The following UBTD2 variants were observed in gnomAD, a reference collection of about 807,000 sequenced individuals.
The protein encoded by UBTD2 is ubiquitin domain-containing protein 2.
UBTD2 carries 9 observed loss-of-function variants against 19.8 expected under a neutral mutation model. The ratio of observed to expected loss-of-function variants is 0.46; its 90% CI spans 0.27 to 0.79. The LOEUF is 0.79. UBTD2 is among the 30% of genes least tolerant of loss of function. The pLI is 0.14. For missense variants in UBTD2, 250 were observed against 300.4 expected, an observed-to-expected ratio of 0.83 and a Z score of 1.24; for synonymous variants, 98 against 103.9, an observed-to-expected ratio of 0.94 and a Z score of 0.35.
In UBTD2 at chr5:172,234,320, G is replaced by T. The variant is rs752568790; in HGVS notation, c.109C>A (p.Pro37Thr). The T allele has an allele frequency of 1.9e-6, 3 of 1,613,954 alleles. No individual in the cohort carries two copies. The African/African-American group carries it at 4.0e-5, about 22-fold the overall frequency. ...GRNQPLKKEK[P>T]KWKSDYPMTD... ...ATAGGATAATCGCTTTTCCATTTTGGTTTCTCCTTTTTCAAAGGCTGGTTA... is the reference window on the plus strand; with the variant it reads ...ATAGGATAATCGCTTTTCCATTTTGTTTTCTCCTTTTTCAAAGGCTGGTTA... Residue 37 changes from proline (P) to threonine (T), a missense_variant, in exon 2 of 3, where the codon CCA becomes ACA. Transcript: ENST00000393792.
chr5:172,251,155 T>C (rs1472870898), intron 1 of UBTD2, among the ~76,000 whole-genome samples: 1 of 143,360 alleles, frequency 7.0e-6, no homozygotes, highest in South Asian at 2.2e-4. Flanking sequence ...CTACTAAAAA[T>C]ACAAAAAAAA....
At chr5:172,281,577 G>A (rs1306415527) in intron 1 of UBTD2, among the ~76,000 whole-genome samples, 1 of 152,088 alleles carries the variant, frequency 6.6e-6, no homozygotes, top group Non-Finnish European at 1.5e-5. Flanking sequence ...AGGGATCTGT[G>A]CCAACACCCT....
Position 172,251,235 on chromosome 5 carries a change from C to T in UBTD2, c.71-16877G>A, listed in dbSNP as rs552055505. Among the ~76,000 whole-genome samples, 20 of 148,670 alleles carry T rather than the reference C, an allele frequency of 1.3e-4. 1 individual carries two copies. The South Asian group carries it at 4.2e-3, about 31-fold the overall frequency. ...TCGGGAGGCTGAGGCAGGAGAATGGCCTGAACCCAGGAGGCCAGGCTTGCA... is the reference window on the plus strand; with the variant it reads ...TCGGGAGGCTGAGGCAGGAGAATGGTCTGAACCCAGGAGGCCAGGCTTGCA... On this transcript the variant is annotated intron_variant, in intron 1 of 2. Coordinates refer to ENST00000393792, the MANE Select transcript of UBTD2 (RefSeq NM_152277.3).
chr5:172,219,764 G>C (rs2113876734), intron 2 of UBTD2, among the ~76,000 whole-genome samples: 1 of 152,318 alleles, frequency 6.6e-6, no homozygotes, highest in South Asian at 2.1e-4. Context: ...TTTTGCCGTG[G>C]CACTTCAAAC....
rs1241778652 is a variant in UBTD2 at position 172,226,124 on chromosome 5, T to C, written c.307+7998A>G. 4.7e-4 allele frequency among the ~76,000 whole-genome samples: 72 copies of C among 152,056 alleles called. 1 individual carries two copies. The highest frequency in any genetic ancestry group is 2.9e-5 in the Non-Finnish European group (2 of 68,008). ...TGGCAAATTTTTGTATTATGAACTC[T>C]TCTACTTCTTGACAACCATGCCCTG... is the stretch of plus-strand genomic sequence containing the variant. On this transcript the variant is annotated intron_variant, in intron 2 of 2. Coordinates refer to ENST00000393792, the MANE Select transcript of UBTD2 (RefSeq NM_152277.3).
chr5:172,255,217 G>A, intron 1 of UBTD2: 1 of 445,346 alleles, frequency 2.2e-6, no homozygotes, highest in Non-Finnish European at 4.5e-6. Flanking sequence ...CCCAGCAGAA[G>A]GAGGTGAACT....
chr5:172,228,858 C>T (rs530543842), intron 2 of UBTD2, among the ~76,000 whole-genome samples: 1 of 152,032 alleles, frequency 6.6e-6, no homozygotes, highest in Non-Finnish European at 1.5e-5. Flanking sequence ...TTTGTAAGTG[C>T]CTTTGTTTTT....
chr5:172,254,912 TTCCTCC>T, intron 1 of UBTD2: 3 of 494,868 alleles, frequency 6.1e-6, no homozygotes, highest in Middle Eastern at 3.1e-4. Context: ...GGAAGACCTC[TTCCTCC>T]TCCTCCTCCT....
intron 1 of UBTD2, among the ~76,000 whole-genome samples, chr5:172,265,500 T>C (rs1232102124): frequency 6.6e-6 from 1 of 151,928 alleles, no homozygotes; most frequent in Non-Finnish European, 1.5e-5. Context: ...CCGGCTAATT[T>C]TTTGTATTTT....
intron 1 of UBTD2, among the ~76,000 whole-genome samples, chr5:172,261,452 T>C (rs1755268585): frequency 6.6e-6 from 1 of 152,208 alleles, no homozygotes; most frequent in South Asian, 2.1e-4. Flanking sequence ...TCAAGTCAAG[T>C]TTGAATGGAG....
At chr5:172,230,005 T>C (rs1459264963) in intron 2 of UBTD2, among the ~76,000 whole-genome samples, 2 of 152,170 alleles carry the variant, frequency 1.3e-5, no homozygotes, top group African/African-American at 2.4e-5. Flanking sequence ...CAATGAGTAA[T>C]AACATGCTGT....
chr5:172,244,295 G>GCTTGTTTT (rs1554128667), intron 1 of UBTD2, among the ~76,000 whole-genome samples: 1 of 126,076 alleles, frequency 7.9e-6, no homozygotes. Flanking sequence ...TTTCCTCCCA[G>GCTTGTTTT]TTTTTTTTTT....
At chr5:172,283,892 G>A (rs1755784964), upstream of UBTD2, 1 of 161,202 alleles carries the variant, frequency 6.2e-6, no homozygotes, top group South Asian at 1.9e-4. This position sits in a 1 kb window ranked among gnomAD's most constrained non-coding sequence, Gnocchi z 4.3. Context: ...CCGCCCGGCA[G>A]GCCTGGCCCG....
At chr5:172,231,085 A>G (rs1307594566) in intron 2 of UBTD2, among the ~76,000 whole-genome samples, 1 of 152,194 alleles carries the variant, frequency 6.6e-6, no homozygotes, top group African/African-American at 2.4e-5. Context: ...ACCTGGCCCA[A>G]AGTAAAATCT....
chr5:172,217,418 CAAA>C (rs35018283), intron 2 of UBTD2, among the ~76,000 whole-genome samples: 40,330 of 114,728 alleles, frequency 0.35, 5,429 homozygotes, highest in South Asian at 0.42. Flanking sequence ...GACTCTGTCT[CAAA>C]AAAAAAAAAA....
intron 1 of UBTD2, among the ~76,000 whole-genome samples, chr5:172,262,404 C>T (rs1442603792): frequency 1.5e-5 from 2 of 134,772 alleles, no homozygotes; most frequent in Non-Finnish European, 3.0e-5. Context: ...AAGCTGAGAT[C>T]GTGCCACTGC....
At chr5:172,261,552 A>G (rs1383585577) in intron 1 of UBTD2, among the ~76,000 whole-genome samples, 2 of 152,220 alleles carry the variant, frequency 1.3e-5, no homozygotes, top group East Asian at 3.9e-4. Context: ...AAAGATGAGC[A>G]GGATTATGCC....
At chr5:172,264,213 TCTC>T (rs1375342641) in intron 1 of UBTD2, among the ~76,000 whole-genome samples, 2 of 151,980 alleles carry the variant, frequency 1.3e-5, no homozygotes, top group Admixed American at 6.6e-5. Flanking sequence ...GTCAGATTGT[TCTC>T]CTCCTCCTCC....
intron 2 of UBTD2, among the ~76,000 whole-genome samples, chr5:172,224,024 C>T (rs566861807): frequency 2.6e-5 from 4 of 152,144 alleles, no homozygotes; most frequent in African/African-American, 9.6e-5. Flanking sequence ...CAAGTTGGTC[C>T]AAAGGAAATG....
Sources: gnomAD v4.1 joint callset for allele counts (sites outside exome capture counted in the v4.1 genomes callset) on GRCh38, gnomAD v4.1.1 for gene constraint, Gnocchi (gnomAD v3.1) non-coding constraint, MANE v1.5 for transcripts, NCBI Gene and HGNC (gene_info 2026-07-23, HGNC 2026-07-21) for gene names.